TAFA2: variants seen among roughly 807,000 people sequenced by gnomAD.
TAFA2 encodes TAFA chemokine like family member 2, also known as chemokine-like protein TAFA-2.
In TAFA2, 7 loss-of-function variants were observed where a neutral mutation model predicts 18.8. The ratio of observed to expected loss-of-function variants is 0.37; its 90% CI spans 0.21 to 0.70. The LOEUF (loss-of-function observed/expected upper bound fraction) is 0.70. Among genes scored for constraint, TAFA2 ranks in the 30% least tolerant of loss-of-function variants. The pLI, the probability that TAFA2 is intolerant of heterozygous loss-of-function variation, is 0.53. For synonymous variants in TAFA2, 60 were observed against 54.2 expected (o/e 1.11, Z -0.47); for missense variants, 122 against 158.1 (o/e 0.77, Z 1.23).
chr12:62,048,327 C>G (rs1881962794), intron 1 of TAFA2, among the ~76,000 whole-genome samples: 1 of 152,230 alleles, frequency 6.6e-6, no homozygotes, highest in East Asian at 1.9e-4. Context: ...TGGGAAGAGC[C>G]TCTTATAAAA....
chr12:61,766,383 G>C (rs1303617848), intron 2 of TAFA2, among the ~76,000 whole-genome samples: 1 of 152,026 alleles, frequency 6.6e-6, no homozygotes, highest in African/African-American at 2.4e-5. Context: ...CTTATACAAA[G>C]CATACCTTCA....
chr12:62,222,879 C>G (rs943243934), intron 1 of TAFA2, among the ~76,000 whole-genome samples: 1 of 152,026 alleles, frequency 6.6e-6, no homozygotes, highest in Non-Finnish European at 1.5e-5. Context: ...TGTACACACA[C>G]AGCAACCAAT....
rs185011707 is a variant in TAFA2 at position 61,735,610 on chromosome 12, T to C, written c.384+18012A>G. Among the ~76,000 whole-genome samples, 106 of 152,094 alleles carry C rather than the reference T, an allele frequency of 7.0e-4. 1 individual carries two copies. The highest frequency in any genetic ancestry group is 2.3e-3 in the African/African-American group (97 of 41,550). ...AGCTACCATTATTGAGTAACTTCTA[T>C]TTATTCCACCTGTTCTAGATTTATT... On this transcript the variant is annotated intron_variant, in intron 4 of 4. Transcript: ENST00000416284.
chr12:62,055,072 G>A (rs954542326), intron 1 of TAFA2, among the ~76,000 whole-genome samples: 1 of 152,116 alleles, frequency 6.6e-6, no homozygotes, highest in African/African-American at 2.4e-5. Flanking sequence ...AGTCATGAGA[G>A]TGGAGTCCTC....
At chr12:61,820,126 A>G (rs1872257213) in intron 2 of TAFA2, among the ~76,000 whole-genome samples, 3 of 152,050 alleles carry the variant, frequency 2.0e-5, no homozygotes, top group African/African-American at 7.2e-5. Flanking sequence ...TCCCACCCCA[A>G]CAGTTACCAA....
chr12:61,927,205 G>A (rs962125597), intron 1 of TAFA2, among the ~76,000 whole-genome samples: 2 of 152,066 alleles, frequency 1.3e-5, no homozygotes, highest in Non-Finnish European at 2.9e-5. Flanking sequence ...ATTCAAATAG[G>A]AAGAGAGGAA....
chr12:61,879,756 A>G, intron 1 of TAFA2: 1 of 1,354,900 alleles, frequency 7.4e-7, no homozygotes, highest in Non-Finnish European at 1.0e-6. Flanking sequence ...AGCTACATCA[A>G]CAACCTTAGG....
chr12:61,960,486 A>G (rs1287408605), intron 1 of TAFA2, among the ~76,000 whole-genome samples: 1 of 152,062 alleles, frequency 6.6e-6, no homozygotes, highest in Non-Finnish European at 1.5e-5. Context: ...ATAGTGACTC[A>G]TTTTGTCTTC....
intron 1 of TAFA2, among the ~76,000 whole-genome samples, chr12:61,950,281 A>G (rs1033674197): frequency 1.3e-5 from 2 of 152,166 alleles, no homozygotes; most frequent in Admixed American, 1.3e-4. Flanking sequence ...GTCTATACCC[A>G]AAAACAAAAT....
At position 61,710,394 on chromosome 12, in the gene TAFA2, A is replaced by C. The variant is rs1193832818; in HGVS notation, c.*12T>G. The C allele has an allele frequency of 6.2e-7, 1 of 1,608,864 alleles. No individual in the cohort carries two copies. The highest frequency in any genetic ancestry group is 2.2e-5 in the East Asian group (1 of 44,834). Reference sequence around the variant, plus strand: ...TGTCATCAGCCTTGAGGATCACTTGATTTCTCCTGGGTTAATGGGTTACCT... The same window carrying C: ...TGTCATCAGCCTTGAGGATCACTTGCTTTCTCCTGGGTTAATGGGTTACCT... On this transcript the variant is annotated 3_prime_UTR_variant, in exon 5 of 5. Transcript: ENST00000416284.
intron 1 of TAFA2, among the ~76,000 whole-genome samples, chr12:62,139,329 T>C (rs920077787): frequency 1.3e-5 from 2 of 152,218 alleles, no homozygotes; most frequent in Admixed American, 1.3e-4. Context: ...TGTTATAAAA[T>C]GCTTAAGTAT....
chr12:62,210,675 G>C (rs1160665895), intron 1 of TAFA2, among the ~76,000 whole-genome samples: 1 of 152,156 alleles, frequency 6.6e-6, no homozygotes, highest in Non-Finnish European at 1.5e-5. Context: ...TTCCACAACA[G>C]AGAGAAGTAC....
chr12:61,920,571 T>G (rs959377828), intron 1 of TAFA2, among the ~76,000 whole-genome samples: 2 of 152,210 alleles, frequency 1.3e-5, no homozygotes, highest in Non-Finnish European at 2.9e-5. Context: ...AATGTATTGT[T>G]CCTTGTTACG....
At chr12:61,723,589 A>G (rs1423957055) in intron 4 of TAFA2, among the ~76,000 whole-genome samples, 1 of 152,102 alleles carries the variant, frequency 6.6e-6, no homozygotes, top group Non-Finnish European at 1.5e-5. Flanking sequence ...ATAGATACAC[A>G]TGGGTCCTGA....
intron 1 of TAFA2, among the ~76,000 whole-genome samples, chr12:61,880,967 T>G (rs1875106812): frequency 1.3e-5 from 2 of 151,324 alleles, no homozygotes; most frequent in African/African-American, 4.9e-5. Context: ...AAACAATTCA[T>G]TTTTTTTTCC....
At chr12:61,769,785 G>A (rs1044935961) in intron 2 of TAFA2, among the ~76,000 whole-genome samples, 14 of 152,056 alleles carry the variant, frequency 9.2e-5, no homozygotes, top group African/African-American at 3.1e-4. Context: ...CTATCCAAAT[G>A]AGAAGAAATC....
At chr12:62,069,180 C>T (rs1485309380) in intron 1 of TAFA2, among the ~76,000 whole-genome samples, 1 of 152,130 alleles carries the variant, frequency 6.6e-6, no homozygotes, top group African/African-American at 2.4e-5. Flanking sequence ...AGGCTGACTC[C>T]TTTCTCACTG....
intron 1 of TAFA2, among the ~76,000 whole-genome samples, chr12:61,969,823 A>G (rs1354658560): frequency 6.6e-6 from 1 of 151,720 alleles, no homozygotes; most frequent in Non-Finnish European, 1.5e-5. Flanking sequence ...GATGATGACA[A>G]AAGAATATTC....
At chr12:62,060,327 T>C (rs189303328) in intron 1 of TAFA2, among the ~76,000 whole-genome samples, 47 of 152,240 alleles carry the variant, frequency 3.1e-4, no homozygotes, top group Admixed American at 8.5e-4. Context: ...TCCTATAAGA[T>C]CATAATGGAG....
Sources: allele counts gnomAD v4.1 joint callset (sites outside exome capture counted in the v4.1 genomes callset), GRCh38; gene constraint gnomAD v4.1.1; transcripts MANE v1.5; gene names NCBI Gene and HGNC (gene_info 2026-07-23, HGNC 2026-07-21).